Variants in SULF2 observed in about 807,000 individuals in gnomAD.
SULF2 encodes extracellular sulfatase Sulf-2.
SULF2 carries 52 observed loss-of-function variants against 107.7 expected under a neutral mutation model. The ratio of observed to expected loss-of-function variants is 0.48; its 90% CI spans 0.39 to 0.61. The LOEUF (loss-of-function observed/expected upper bound fraction) is 0.61. Ranked by LOEUF, SULF2 falls within the 20% of genes least tolerant of loss-of-function variation. The probability of loss-of-function intolerance (pLI) is 0.00; values close to 1 mark genes in which losing one functional copy is unlikely to be tolerated. For missense variants in SULF2, 993 were observed against 1,177.3 expected (o/e 0.84, Z 2.29); for synonymous variants, 460 against 464.3 (o/e 0.99, Z 0.12).
Position 47,697,326 on chromosome 20 carries a change from A to T in SULF2, c.567+5193T>A, listed in dbSNP as rs185737603. ...GCATGTGCCCATCTGTGGATTAGTG[A>T]CTTGGGACAGAGTCCTCAGAGGCCT... On this transcript the variant is annotated intron_variant, in intron 4 of 20. Transcript: ENST00000688720. Among the ~76,000 whole-genome samples the T allele has an allele frequency of 5.9e-5, 9 of 152,270 alleles. No individual in the cohort carries two copies. The East Asian group carries it at 1.7e-3, about 29-fold the overall frequency.
At chr20:47,745,169 G>A (rs982574195) in intron 2 of SULF2, among the ~76,000 whole-genome samples, 2 of 151,734 alleles carry the variant, frequency 1.3e-5, no homozygotes, top group East Asian at 3.9e-4. Flanking sequence ...GAAATTCTAG[G>A]ATAGATTCTA....
intron 3 of SULF2, among the ~76,000 whole-genome samples, chr20:47,729,313 T>A (rs1356839382): frequency 6.6e-6 from 1 of 152,128 alleles, no homozygotes; most frequent in Non-Finnish European, 1.5e-5. Context: ...TCGGGGCCTC[T>A]ACCCTGAGTA....
chr20:47,746,707 C>A (rs1236321172), intron 2 of SULF2, among the ~76,000 whole-genome samples: 2 of 152,030 alleles, frequency 1.3e-5, no homozygotes, highest in African/African-American at 4.8e-5. Context: ...AAGCTCGAAA[C>A]CATCATTCTC....
Position 47,666,995 on chromosome 20 carries a change from A to T in SULF2, c.1577-507T>A, listed in dbSNP as rs531364204. Among the ~76,000 whole-genome samples the T allele has an allele frequency of 6.6e-6, 1 of 152,158 alleles. No homozygotes were observed. The highest frequency in any genetic ancestry group is 1.5e-5 in the Non-Finnish European group (1 of 68,028). On this transcript the variant is annotated intron_variant, in intron 11 of 20. Transcript: ENST00000688720. This position sits in a 1 kb window ranked among gnomAD's most constrained non-coding sequence, Gnocchi z 5.4. ...GGGGCTGGGGGAGAGGGTAGTGAGG[A>T]GTGACTGCTTTGTGGGTACGGGGTT... is the stretch of plus-strand genomic sequence containing the variant.
At chr20:47,732,039 C>T (rs941097092) in intron 3 of SULF2, among the ~76,000 whole-genome samples, 38 of 148,674 alleles carry the variant, frequency 2.6e-4, no homozygotes, top group African/African-American at 8.7e-4. Flanking sequence ...AAATCGTCAT[C>T]GTCATTGCTA....
intron 1 of SULF2, among the ~76,000 whole-genome samples, chr20:47,773,743 C>T (rs942550023): frequency 2.0e-5 from 3 of 152,242 alleles, no homozygotes; most frequent in African/African-American, 7.2e-5. Flanking sequence ...AGTCATTATT[C>T]ACGCCTAACT....
chr20:47,721,459 C>A (rs893962297), intron 3 of SULF2, among the ~76,000 whole-genome samples: 28 of 152,086 alleles, frequency 1.8e-4, no homozygotes, highest in African/African-American at 6.5e-4. Context: ...ACCTCTGCCT[C>A]CCGGGTTCAA....
chr20:47,670,285 C>G (rs1740960907), intron 11 of SULF2, among the ~76,000 whole-genome samples: 1 of 152,096 alleles, frequency 6.6e-6, no homozygotes, highest in Non-Finnish European at 1.5e-5. Context: ...CTCCCGCTCC[C>G]AGGTTCAAGC....
chr20:47,768,399 A>G (rs1038043438), intron 1 of SULF2, among the ~76,000 whole-genome samples: 4 of 152,248 alleles, frequency 2.6e-5, no homozygotes, highest in Admixed American at 1.3e-4. Flanking sequence ...TGACTCTTCA[A>G]GATCAGAAGT....
At chr20:47,772,473 G>C (rs575643692) in intron 1 of SULF2, among the ~76,000 whole-genome samples, 39 of 152,368 alleles carry the variant, frequency 2.6e-4, no homozygotes, top group Admixed American at 2.4e-3. Context: ...ATTCTTGCTT[G>C]CCAAGGCCTC....
intron 1 of SULF2, among the ~76,000 whole-genome samples, chr20:47,762,431 G>A (rs1488770711): frequency 6.6e-6 from 1 of 152,208 alleles, no homozygotes; most frequent in African/African-American, 2.4e-5. Context: ...CAATTAATAT[G>A]CACACCCACC....
chr20:47,757,490 ATATT>A, intron 1 of SULF2, 27 bp from the exon 2 acceptor site: 1 of 1,136,586 alleles, frequency 8.8e-7, no homozygotes, highest in Non-Finnish European at 1.2e-6. Context: ...AATCAGGTCA[ATATT>A]TATGTCAAGG....
chr20:47,764,771 C>A (rs1245981418), intron 1 of SULF2, among the ~76,000 whole-genome samples: 1 of 152,098 alleles, frequency 6.6e-6, no homozygotes, highest in Non-Finnish European at 1.5e-5. Flanking sequence ...CGAATTAGGG[C>A]TGTCATTTGC....
chr20:47,739,333 G>GA (rs997840189), intron 2 of SULF2, among the ~76,000 whole-genome samples: 6 of 152,116 alleles, frequency 3.9e-5, no homozygotes, highest in Admixed American at 2.6e-4. Flanking sequence ...GGGATCTGGG[G>GA]AAGGCCCTCT....
chr20:47,746,992 AAAATATATATAT>A (rs1486320884), intron 2 of SULF2, among the ~76,000 whole-genome samples: 1 of 90,378 alleles, frequency 1.1e-5, no homozygotes, highest in Non-Finnish European at 2.3e-5. Context: ...TAAAAAAAAA[AAAATATATATAT>A]ATATATATAT....
At chr20:47,693,401 G>A (rs1002176273) in intron 4 of SULF2, among the ~76,000 whole-genome samples, 5 of 152,166 alleles carry the variant, frequency 3.3e-5, no homozygotes, top group Non-Finnish European at 5.9e-5. Context: ...CTTCATAACA[G>A]ACTCATCTTC....
At chr20:47,778,127 C>T (rs1199580336) in intron 1 of SULF2, among the ~76,000 whole-genome samples, 1 of 152,160 alleles carries the variant, frequency 6.6e-6, no homozygotes, top group Non-Finnish European at 1.5e-5. Flanking sequence ...GATGACAGTG[C>T]AAGACCCTGT....
rs919474497 is a variant in SULF2 at position 47,661,638 on chromosome 20, A to T, written c.2494+135T>A. 3 of 939,964 alleles carry T rather than the reference A, an allele frequency of 3.2e-6. No individual in the cohort carries two copies. The African/African-American group carries it at 5.1e-5, about 16-fold the overall frequency. 58.2% of individuals were successfully genotyped at this position (939,964 alleles called of 1,614,324 possible). On this transcript the variant is annotated intron_variant, in intron 18 of 20. Transcript: ENST00000688720. ...CTGCCTGCTATGGACAGGGGCTCCC[A>T]TGACTCGTCTGGAACTGTATCACCT...
intron 1 of SULF2, among the ~76,000 whole-genome samples, chr20:47,779,949 A>G (rs922001243): frequency 6.6e-6 from 1 of 151,230 alleles, no homozygotes; most frequent in Non-Finnish European, 1.5e-5. Flanking sequence ...ATTTCTTAGC[A>G]TGGCCTGTAT....
Sources: allele counts gnomAD v4.1 joint callset (sites outside exome capture counted in the v4.1 genomes callset), GRCh38; gene constraint gnomAD v4.1.1; non-coding constraint Gnocchi (gnomAD v3.1); transcripts MANE v1.5; gene names NCBI Gene and HGNC (gene_info 2026-07-23, HGNC 2026-07-21).